The following MEI4 variants were observed in gnomAD, a reference collection of about 807,000 sequenced individuals.
MEI4 encodes meiotic double-stranded break formation protein 4, also known as meiosis-specific protein MEI4.
In MEI4, 27 loss-of-function variants were observed where a neutral mutation model predicts 31.4. That is an observed-to-expected ratio of 0.86 (90% CI 0.63 to 1.19). The LOEUF is 1.19. MEI4 is among the 50% of genes most tolerant of loss of function. MEI4 has a pLI of 0.00. For synonymous variants in MEI4, 122 were observed against 145.4 expected, an observed-to-expected ratio of 0.84 and a Z score of 1.16; for missense variants, 329 against 398.9, an observed-to-expected ratio of 0.82 and a Z score of 1.49.
chr6:77,746,523 G>C (rs1767610035), intron 2 of MEI4, among the ~76,000 whole-genome samples: 1 of 151,962 alleles, frequency 6.6e-6, no homozygotes, highest in African/African-American at 2.4e-5. Context: ...GCCAGTTTTT[G>C]GACTACAACT....
intron 4 of MEI4, among the ~76,000 whole-genome samples, chr6:77,871,590 G>T (rs1771193530): frequency 6.6e-6 from 1 of 151,822 alleles, no homozygotes; most frequent in Admixed American, 6.6e-5. Context: ...CTATCTATTG[G>T]GTACTATGCT....
At chr6:77,714,579 T>G (rs1766538351) in intron 2 of MEI4, among the ~76,000 whole-genome samples, 1 of 152,208 alleles carries the variant, frequency 6.6e-6, no homozygotes, top group Non-Finnish European at 1.5e-5. Context: ...TAAAATCATA[T>G]CTTAAACAGT....
At chr6:77,835,314 T>G (rs1770187195) in intron 4 of MEI4, among the ~76,000 whole-genome samples, 1 of 144,508 alleles carries the variant, frequency 6.9e-6, no homozygotes. Context: ...GAGCCGAGAC[T>G]GCACCATTGC....
rs904288596 is a variant in MEI4 at position 77,841,767 on chromosome 6, A to C, written c.900+12705A>C. On this transcript the variant is annotated intron_variant, in intron 4 of 4. Coordinates refer to ENST00000684080, the MANE Select transcript of MEI4 (RefSeq NM_001322247.2). ...TGTAGTTCTGTACTTTGCAAACATT[A>C]ATCCAAAGAAAGTTAGATTGACTGT... Among the ~76,000 whole-genome samples the C allele has an allele frequency of 5.3e-4, 80 of 152,214 alleles. 1 individual carries two copies. The highest frequency in any genetic ancestry group is 5.0e-3 in the Admixed American group (77 of 15,278).
intron 4 of MEI4, among the ~76,000 whole-genome samples, chr6:77,863,473 A>G (rs1770928284): frequency 6.6e-6 from 1 of 152,202 alleles, no homozygotes; most frequent in African/African-American, 2.4e-5. Flanking sequence ...AACTGGAAGA[A>G]AGGGTATCAG....
chr6:77,907,021 T>C (rs887055899), intron 4 of MEI4, among the ~76,000 whole-genome samples: 2 of 129,838 alleles, frequency 1.5e-5, no homozygotes, highest in African/African-American at 6.2e-5. Context: ...TCAGATAGAT[T>C]CTAGATCTTG....
At chr6:77,681,762 T>A (rs1327661251) in intron 1 of MEI4, among the ~76,000 whole-genome samples, 1 of 152,118 alleles carries the variant, frequency 6.6e-6, no homozygotes, top group Admixed American at 6.5e-5. Context: ...AAGAGAAACA[T>A]GATAGATAGT....
rs1317563829 is a variant in MEI4, at chr6:77,925,796, A to ATATAAATG, written c.*2454_*2455insAATGTATA. On this transcript the variant is annotated 3_prime_UTR_variant, in exon 5 of 5. Transcript: ENST00000684080. ...TAATATATTTTATATGAGAGTAAAT[A>ATATAAATG]TATATTAAATATTTTATATACATTT... 72 of 148,258 alleles carry ATATAAATG rather than the reference A, an allele frequency of 4.9e-4. No homozygotes were observed. In the East Asian group the frequency reaches 0.012, roughly 25 times the overall value. 9.2% of individuals were successfully genotyped at this position (148,258 alleles called of 1,614,324 possible).
At chr6:77,708,537 A>G (rs1324585199) in intron 2 of MEI4, among the ~76,000 whole-genome samples, 2 of 152,198 alleles carry the variant, frequency 1.3e-5, no homozygotes, top group Non-Finnish European at 2.9e-5. Context: ...GAATGAAAGG[A>G]CATGAAATTT....
Position 77,688,636 on chromosome 6 carries a change from G to C in MEI4, c.-14-2022G>C, listed in dbSNP as rs553495657. ...GTGTTTTTATTATCCAGAGAACTTTGTCCTCTTGTGCTAATAAACTGTTTT... is the reference window on the plus strand; with the variant it reads ...GTGTTTTTATTATCCAGAGAACTTTCTCCTCTTGTGCTAATAAACTGTTTT... On this transcript the variant is annotated intron_variant, in intron 1 of 4. Coordinates refer to ENST00000684080, the MANE Select transcript of MEI4 (RefSeq NM_001322247.2). Among the ~76,000 whole-genome samples the C allele has an allele frequency of 1.5e-3, 228 of 152,116 alleles. No individual in the cohort carries two copies. In the Middle Eastern group the frequency reaches 0.024, roughly 16 times the overall value.
intron 4 of MEI4, among the ~76,000 whole-genome samples, chr6:77,907,611 T>C (rs375174013): frequency 6.6e-6 from 1 of 151,740 alleles, no homozygotes; most frequent in Non-Finnish European, 1.5e-5. Context: ...TGTGCATGTG[T>C]CCTTATAGCA....
intron 4 of MEI4, among the ~76,000 whole-genome samples, chr6:77,907,883 A>G (rs1230564193): frequency 6.6e-6 from 1 of 151,832 alleles, no homozygotes; most frequent in African/African-American, 2.4e-5. Context: ...TTTGATCTGC[A>G]TTTCTCTGAT....
chr6:77,668,203 T>C (rs955665916), intron 1 of MEI4, among the ~76,000 whole-genome samples: 2 of 152,130 alleles, frequency 1.3e-5, no homozygotes, highest in African/African-American at 4.8e-5. Context: ...ATTATGATGT[T>C]ATGAGAAATG....
At chr6:77,908,919 C>T (rs1229094516) in intron 4 of MEI4, among the ~76,000 whole-genome samples, 1 of 151,966 alleles carries the variant, frequency 6.6e-6, no homozygotes, top group Non-Finnish European at 1.5e-5. Context: ...ACTTTAACAC[C>T]CCACTGTCAA....
chr6:77,660,510 T>C (rs954692083), intron 1 of MEI4, among the ~76,000 whole-genome samples: 2 of 150,614 alleles, frequency 1.3e-5, no homozygotes, highest in Non-Finnish European at 3.0e-5. Flanking sequence ...GAATGGAGAA[T>C]AGGAGTATGA....
chr6:77,828,944 A>G lies in MEI4; in HGVS notation c.782A>G (p.His261Arg), dbSNP rs1363904540. The part of the protein sequence containing the change: ...NNHINQFQVQ[H>R]YVSQSLVTLG... ...TTTTATCTTTAGTTTCAGGTGCAGC[A>G]TTATGTCTCTCAGAGTCTGGTTACC... The change falls in exon 4 of 5, where the codon CAT becomes CGT. Residue 261 changes from histidine (H) to arginine (R), a missense_variant. By Grantham distance (29) the His-to-Arg change is conservative (BLOSUM62 0). Transcript: ENST00000684080. 1 of 1,232,380 alleles carries G rather than the reference A, an allele frequency of 8.1e-7. No individual in the cohort carries two copies. The allele number at this position is 1,232,380 out of a possible 1,614,324, so 76.3% of individuals were successfully genotyped here.
At chr6:77,756,211 C>A (rs557765516) in intron 2 of MEI4, among the ~76,000 whole-genome samples, 1 of 152,250 alleles carries the variant, frequency 6.6e-6, no homozygotes, top group South Asian at 2.1e-4. Flanking sequence ...ACTTAAAAAT[C>A]TTTATGAATA....
chr6:77,854,319 T>C (rs551819799), intron 4 of MEI4, among the ~76,000 whole-genome samples: 1 of 78,786 alleles, frequency 1.3e-5, no homozygotes, highest in Admixed American at 1.5e-4. Flanking sequence ...TCTTTTAAAA[T>C]GTTTTTCTTA....
In MEI4 at chr6:77,742,938, C is replaced by T. The variant is rs576586731; in HGVS notation, c.233-18192C>T. Among the ~76,000 whole-genome samples the T allele has an allele frequency of 2.8e-3, 432 of 151,994 alleles. 2 individuals are homozygous for T. The highest frequency in any genetic ancestry group is 1.0e-2 in the African/African-American group (412 of 41,382). On this transcript the variant is annotated intron_variant, in intron 2 of 4. Coordinates refer to ENST00000684080, the MANE Select transcript of MEI4 (RefSeq NM_001322247.2). ...CAAAGATTAGATAGTTGTAGATATG[C>T]GGCGTTATTTCTTAGGGCTCTGTTC... is the stretch of plus-strand genomic sequence containing the variant.
Sources: gnomAD v4.1 joint callset for allele counts (sites outside exome capture counted in the v4.1 genomes callset) on GRCh38, gnomAD v4.1.1 for gene constraint, MANE v1.5 for transcripts, NCBI Gene and HGNC (gene_info 2026-07-23, HGNC 2026-07-21) for gene names.